The following CCDC18 variants were observed in gnomAD, a reference collection of about 807,000 sequenced individuals.
CCDC18 encodes the protein coiled-coil domain containing 18.
CCDC18 carries 157 observed loss-of-function variants against 196.0 expected under a neutral mutation model. That is an observed-to-expected ratio of 0.80 (90% confidence interval 0.70 to 0.91). The LOEUF (loss-of-function observed/expected upper bound fraction) is 0.91, where lower values mean the gene tolerates loss of function less well. Among genes scored for constraint, CCDC18 ranks in the 40% least tolerant of loss-of-function variants. The pLI is 0.00. For missense variants in CCDC18, 1,465 were observed against 1,611.6 expected, an observed-to-expected ratio of 0.91 and a Z score of 1.56; for synonymous variants, 482 against 529.2, an observed-to-expected ratio of 0.91 and a Z score of 1.22.
chr1:93,266,700 T>G (rs927912684), intron 27 of CCDC18, among the ~76,000 whole-genome samples: 4 of 151,860 alleles, frequency 2.6e-5, no homozygotes, highest in African/African-American at 9.7e-5. Context: ...CTAGAAGAAA[T>G]GGATAAAGTC....
chr1:93,180,162 G>A (rs1320889150), upstream of CCDC18: 4 of 1,613,280 alleles, frequency 2.5e-6, no homozygotes, highest in Non-Finnish European at 2.5e-6. Context: ...AAGGTGTGAA[G>A]CCGGCCGCCC....
intron 1 of CCDC18, among the ~76,000 whole-genome samples, chr1:93,182,724 C>T (rs1649945643): frequency 6.6e-6 from 1 of 151,850 alleles, no homozygotes; most frequent in Non-Finnish European, 1.5e-5. Context: ...TATTTTGATC[C>T]CTGTGGTTGT....
At chr1:93,186,653 A>G in intron 4 of CCDC18, 150 bp downstream of exon 4, 1 of 568,092 alleles carries the variant, frequency 1.8e-6, no homozygotes, top group Non-Finnish European at 3.0e-6. Context: ...ATGTTGTAAA[A>G]TCAATATTGT....
intron 21 of CCDC18, among the ~76,000 whole-genome samples, chr1:93,240,269 C>G (rs1309584436): frequency 6.6e-6 from 1 of 152,158 alleles, no homozygotes; most frequent in South Asian, 2.1e-4. Context: ...TTACAACACA[C>G]CTATTAGAAA....
chr1:93,183,573 G>A (rs1650114961), intron 2 of CCDC18, 78 bp downstream of exon 2: 3 of 1,054,698 alleles, frequency 2.8e-6, no homozygotes, highest in Non-Finnish European at 2.6e-6. Context: ...TCATTATGAT[G>A]TATTGTTTCT....
At chr1:93,256,710 G>A (rs1267978420) in intron 25 of CCDC18, among the ~76,000 whole-genome samples, 172 bp downstream of exon 25, 1 of 152,046 alleles carries the variant, frequency 6.6e-6, no homozygotes, top group Admixed American at 6.5e-5. Context: ...TCAATTTTGT[G>A]TGTATTTTAC....
chr1:93,271,371 C>A, intron 28 of CCDC18: 1 of 984,990 alleles, frequency 1.0e-6, no homozygotes, highest in Non-Finnish European at 1.2e-6. Context: ...TGTCCCTTTT[C>A]TCTTTAAAAG....
chr1:93,235,569 A>G (rs1332393508), intron 18 of CCDC18, among the ~76,000 whole-genome samples: 2 of 152,162 alleles, frequency 1.3e-5, no homozygotes, highest in Non-Finnish European at 2.9e-5. Context: ...GTTGGGCTAT[A>G]TATGGGAGGA....
chr1:93,190,950 T>C, intron 4 of CCDC18: 2 of 876,760 alleles, frequency 2.3e-6, no homozygotes, highest in African/African-American at 1.6e-5. Flanking sequence ...ATCGACACTT[T>C]CCCTGGGCAT....
chr1:93,273,571 A>G (rs1665473789), intron 28 of CCDC18: 1 of 152,204 alleles, frequency 6.6e-6, no homozygotes, highest in Non-Finnish European at 1.5e-5. Context: ...GATACAGGAC[A>G]TCTGGCATCA....
chr1:93,201,232 G>T lies in CCDC18; in HGVS notation c.699-660G>T, dbSNP rs542679094. Among the ~76,000 whole-genome samples the T allele has an allele frequency of 7.9e-5, 12 of 152,272 alleles. 1 individual carries two copies. In the South Asian group the frequency reaches 2.5e-3, roughly 32 times the overall value. On this transcript the variant is annotated intron_variant, in intron 6 of 28. Transcript: ENST00000690025. ...TCACTAACCTCACTTACATTAGAAA[G>T]AATATGATGGGAATAGGTTTAAATA...
chr1:93,251,684 T>A (rs1456887164), intron 23 of CCDC18, among the ~76,000 whole-genome samples: 3 of 152,184 alleles, frequency 2.0e-5, no homozygotes, highest in Admixed American at 2.0e-4. Flanking sequence ...GCTTCTTTTC[T>A]CTCACTGCTT....
At chr1:93,249,240 A>T (rs973751704) in intron 23 of CCDC18, among the ~76,000 whole-genome samples, 1 of 151,854 alleles carries the variant, frequency 6.6e-6, no homozygotes, top group Non-Finnish European at 1.5e-5. Context: ...AGTTTTTCCA[A>T]TTTGTTGGTA....
chr1:93,243,324 C>A (rs549714033), intron 21 of CCDC18, among the ~76,000 whole-genome samples: 1 of 152,342 alleles, frequency 6.6e-6, no homozygotes, highest in Non-Finnish European at 1.5e-5. Flanking sequence ...CCTCTGAAGC[C>A]ACGGCCTGTG....
At chr1:93,198,585 C>CAA in intron 6 of CCDC18, among the ~76,000 whole-genome samples, 1 of 151,652 alleles carries the variant, frequency 6.6e-6, no homozygotes, top group Non-Finnish European at 1.5e-5. Context: ...GTACTTTACT[C>CAA]AATAAAAAAT....
chr1:93,199,763 CTGAA>C (rs1418830024), intron 6 of CCDC18: 1 of 152,454 alleles, frequency 6.6e-6, no homozygotes, highest in Middle Eastern at 3.0e-3. Context: ...GGTAGCTCCT[CTGAA>C]TGGCTACCCC....
At chr1:93,270,309 A>G (rs369608890) in intron 27 of CCDC18, 38 bp from the exon 28 acceptor site, 24 of 1,205,646 alleles carry the variant, frequency 2.0e-5, no homozygotes, top group African/African-American at 1.7e-4. Flanking sequence ...TTTAACAAAA[A>G]TGTATTGAGC....
At chr1:93,191,926 C>A in intron 4 of CCDC18, 74 bp from the exon 5 acceptor site, 2 of 1,000,958 alleles carry the variant, frequency 2.0e-6, no homozygotes, top group Non-Finnish European at 3.1e-6. Flanking sequence ...CCTCATCTGA[C>A]AGGAAAAAAA....
intron 23 of CCDC18, among the ~76,000 whole-genome samples, chr1:93,253,802 T>G (rs938334221): frequency 3.3e-5 from 5 of 152,186 alleles, no homozygotes; most frequent in Non-Finnish European, 7.4e-5. Flanking sequence ...GTGGGCTGTT[T>G]CCAGGCTTGA....
Sources: allele counts gnomAD v4.1 joint callset (sites outside exome capture counted in the v4.1 genomes callset), GRCh38; gene constraint gnomAD v4.1.1; transcripts MANE v1.5; gene names NCBI Gene and HGNC (gene_info 2026-07-23, HGNC 2026-07-21).